WAC: variants seen among roughly 807,000 people sequenced by gnomAD.
WAC encodes the protein WW domain-containing adapter protein with coiled-coil.
A neutral mutation model predicts 79.6 loss-of-function variants in WAC; 11 were observed. The ratio of observed to expected loss-of-function variants is 0.14; its 90% CI spans 0.09 to 0.23. WAC has a LOEUF of 0.23. WAC is among the 10% of genes least tolerant of loss of function. The pLI is 1.00. For synonymous variants in WAC, 304 were observed against 276.9 expected, an observed-to-expected ratio of 1.10 and a Z score of -0.97; for missense variants, 728 against 773.5, an observed-to-expected ratio of 0.94 and a Z score of 0.70.
chr10:28,594,484 A>G (rs2132700731), intron 6 of WAC, among the ~76,000 whole-genome samples: 1 of 152,296 alleles, frequency 6.6e-6, no homozygotes, highest in Non-Finnish European at 1.5e-5. Context: ...ATTTTTGTAG[A>G]TTTTTATATT....
rs765839711 is a variant in WAC at position 28,610,787 on chromosome 10, T to G, written c.1254T>G (p.Ser418=). ...GACCATCTGCTTTCAACATAACGTC[T>G]CTGATTTCTCAAGCTGCTCAGCTCT... ...TAGPSAFNIT[S]LISQAAQLST... is the part of the protein sequence containing the mutation. Residue 418 remains serine (S), a synonymous_variant, in exon 9 of 14, where the codon TCT becomes TCG. Transcript: ENST00000354911. 14 of 1,612,166 alleles carry G rather than the reference T, an allele frequency of 8.7e-6. No homozygotes were observed. The highest frequency in any genetic ancestry group is 1.2e-5 in the Non-Finnish European group (14 of 1,179,526).
At chr10:28,600,643 T>C (rs1449110562) in intron 7 of WAC, among the ~76,000 whole-genome samples, 1 of 152,112 alleles carries the variant, frequency 6.6e-6, no homozygotes, top group Non-Finnish European at 1.5e-5. Context: ...TTAGGAAATA[T>C]TGTTTGTAAT....
chr10:28,576,187 T>A (rs899646691), intron 3 of WAC, among the ~76,000 whole-genome samples: 5 of 152,210 alleles, frequency 3.3e-5, no homozygotes, highest in African/African-American at 4.8e-5. Context: ...AAAATCGCCA[T>A]AGTAATATAT....
chr10:28,535,505 A>G, intron 2 of WAC, 57 bp from the exon 3 acceptor site: 1 of 1,478,868 alleles, frequency 6.8e-7, no homozygotes, highest in Non-Finnish European at 9.0e-7. Flanking sequence ...TGTTTAAATT[A>G]GGGAGTTTAA....
At chr10:28,542,855 A>G (rs1057488351) in intron 3 of WAC, among the ~76,000 whole-genome samples, 1 of 152,256 alleles carries the variant, frequency 6.6e-6, no homozygotes, top group Non-Finnish European at 1.5e-5. Flanking sequence ...CTATTTGGAA[A>G]CAAATGTTAT....
intron 3 of WAC, among the ~76,000 whole-genome samples, chr10:28,551,911 G>C (rs1837701460): frequency 6.8e-6 from 1 of 146,220 alleles, no homozygotes; most frequent in Admixed American, 7.0e-5. Flanking sequence ...TGCAACCTTT[G>C]CCTCCTGAGT....
At chr10:28,596,128 G>A in intron 7 of WAC, 87 bp downstream of exon 7, 1 of 1,361,680 alleles carries the variant, frequency 7.3e-7, no homozygotes, top group African/African-American at 1.5e-5. Context: ...ATTTCCTTTG[G>A]CTCTGAATTA....
chr10:28,534,614 G>A (rs551333488), intron 2 of WAC, among the ~76,000 whole-genome samples: 78 of 152,322 alleles, frequency 5.1e-4, no homozygotes, highest in African/African-American at 1.8e-3. Flanking sequence ...GTTCTAGGTA[G>A]GTGGGTTCCT....
At chr10:28,585,820 C>T (rs1839793220) in intron 4 of WAC, among the ~76,000 whole-genome samples, 1 of 151,874 alleles carries the variant, frequency 6.6e-6, no homozygotes, top group Non-Finnish European at 1.5e-5. Flanking sequence ...ACAAAACAAA[C>T]ACCTCATTCA....
intron 12 of WAC, among the ~76,000 whole-genome samples, chr10:28,616,605 T>C (rs1841478130): frequency 6.6e-6 from 1 of 152,260 alleles, no homozygotes; most frequent in Non-Finnish European, 1.5e-5. Flanking sequence ...GCTTAATGCC[T>C]TATATTTATT....
intron 7 of WAC, among the ~76,000 whole-genome samples, chr10:28,601,931 G>T (rs1226505381): frequency 4.6e-5 from 7 of 152,142 alleles, no homozygotes; most frequent in Non-Finnish European, 8.8e-5. Flanking sequence ...TTTCTGTTTG[G>T]GAAGATGAAA....
intron 9 of WAC, 161 bp from the exon 10 acceptor site, chr10:28,611,610 GAGA>G: frequency 1.6e-6 from 2 of 1,234,228 alleles, no homozygotes; most frequent in Non-Finnish European, 2.2e-6. Flanking sequence ...GTGGCCCAGT[GAGA>G]AGGTCAGATT....
At chr10:28,597,533 T>G (rs1358893680) in intron 7 of WAC, among the ~76,000 whole-genome samples, 1 of 152,200 alleles carries the variant, frequency 6.6e-6, no homozygotes, top group Non-Finnish European at 1.5e-5. Context: ...TGTTCCTTCC[T>G]GCTTACATAT....
At chr10:28,575,186 G>A (rs752217253) in intron 3 of WAC, among the ~76,000 whole-genome samples, 9 of 152,096 alleles carry the variant, frequency 5.9e-5, no homozygotes, top group Admixed American at 1.3e-4. Flanking sequence ...GAGGTTTGGG[G>A]TACGAATGAT....
intron 7 of WAC, among the ~76,000 whole-genome samples, chr10:28,599,500 A>G (rs1001152166): frequency 7.2e-5 from 11 of 152,192 alleles, no homozygotes; most frequent in South Asian, 2.1e-4. Flanking sequence ...TCCATGTTCT[A>G]TGTGTTAAAA....
At chr10:28,612,867 G>A (rs1403073435) in intron 10 of WAC, among the ~76,000 whole-genome samples, 2 of 152,190 alleles carry the variant, frequency 1.3e-5, no homozygotes, top group Non-Finnish European at 2.9e-5. Context: ...CAAAAGAGAT[G>A]TTATTTTTGG....
chr10:28,534,261 G>A, intron 2 of WAC: 1 of 441,034 alleles, frequency 2.3e-6, no homozygotes, highest in Non-Finnish European at 4.0e-6. Flanking sequence ...GCTGATTTAG[G>A]AAAAAAGAAT....
chr10:28,608,617 T>G (rs1397692299), intron 8 of WAC, 186 bp downstream of exon 8: 10 of 624,170 alleles, frequency 1.6e-5, no homozygotes, highest in Non-Finnish European at 2.7e-5. Flanking sequence ...AGACCATTGG[T>G]AGTATAATTG....
chr10:28,559,699 G>A (rs1407644633), intron 3 of WAC, among the ~76,000 whole-genome samples: 1 of 152,260 alleles, frequency 6.6e-6, no homozygotes, highest in East Asian at 1.9e-4. Flanking sequence ...ATAAGTTAAG[G>A]TGTCCAGCAT....
Sources: gnomAD v4.1 joint callset for allele counts (sites outside exome capture counted in the v4.1 genomes callset) on GRCh38, gnomAD v4.1.1 for gene constraint, MANE v1.5 for transcripts, NCBI Gene and HGNC (gene_info 2026-07-23, HGNC 2026-07-21) for gene names.